SUGCT: variants seen among roughly 807,000 people sequenced by gnomAD.
SUGCT encodes succinyl-CoA:glutarate CoA-transferase.
A neutral mutation model predicts 55.0 loss-of-function variants in SUGCT; 41 were observed. That is an observed-to-expected ratio of 0.74 (90% confidence interval 0.58 to 0.97). The LOEUF (loss-of-function observed/expected upper bound fraction) is 0.97. Among genes scored for constraint, SUGCT ranks in the 50% least tolerant of loss-of-function variants. The pLI is 0.00. For synonymous variants in SUGCT, 187 were observed against 200.4 expected, an observed-to-expected ratio of 0.93 and a Z score of 0.56; for missense variants, 568 against 547.8, an observed-to-expected ratio of 1.04 and a Z score of -0.37.
intron 13 of SUGCT, among the ~76,000 whole-genome samples, chr7:40,852,314 A>G (rs1793890911): frequency 6.6e-6 from 1 of 152,118 alleles, no homozygotes; most frequent in African/African-American, 2.4e-5. Flanking sequence ...TCAAAAACAC[A>G]TCCACTTTTC....
chr7:40,729,346 T>A (rs1786775035), intron 12 of SUGCT, among the ~76,000 whole-genome samples: 1 of 152,216 alleles, frequency 6.6e-6, no homozygotes, highest in South Asian at 2.1e-4. Context: ...GTCCACAGAT[T>A]ATTGGAAACC....
the SUGCT span, among the ~76,000 whole-genome samples, chr7:40,901,676 G>A: frequency 1.3e-5 from 2 of 152,172 alleles, no homozygotes; most frequent in Non-Finnish European, 2.9e-5. Context: ...AGCAAAGGAT[G>A]CCAGGCAACA....
At chr7:40,363,332 A>G (rs1583513094) in intron 9 of SUGCT, among the ~76,000 whole-genome samples, 1 of 151,934 alleles carries the variant, frequency 6.6e-6, no homozygotes, top group Admixed American at 6.6e-5. Context: ...CTCTGATTTT[A>G]GTTATTTCTT....
chr7:40,903,204 T>C, the SUGCT span, among the ~76,000 whole-genome samples: 2 of 152,122 alleles, frequency 1.3e-5, no homozygotes, highest in African/African-American at 4.8e-5. Context: ...GGTAATCAAG[T>C]TACTATCTAG....
intron 9 of SUGCT, among the ~76,000 whole-genome samples, chr7:40,355,276 A>G (rs1797835051): frequency 1.3e-5 from 2 of 152,210 alleles, no homozygotes; most frequent in Non-Finnish European, 2.9e-5. Context: ...ATCATTCCTA[A>G]TGTCATAAAC....
At chr7:40,741,187 A>G (rs186874001) in intron 12 of SUGCT, among the ~76,000 whole-genome samples, 27 of 152,062 alleles carry the variant, frequency 1.8e-4, no homozygotes, top group Middle Eastern at 6.8e-3. Flanking sequence ...CTGAGGCACG[A>G]GAATTGCCTG....
the SUGCT span, among the ~76,000 whole-genome samples, chr7:40,937,907 A>T: frequency 6.6e-6 from 1 of 152,008 alleles, no homozygotes; most frequent in Non-Finnish European, 1.5e-5. Context: ...TTTGGGATGA[A>T]ACTATTCCAC....
intron 12 of SUGCT, among the ~76,000 whole-genome samples, chr7:40,718,801 T>C (rs976459781): frequency 3.3e-5 from 5 of 152,230 alleles, no homozygotes; most frequent in Non-Finnish European, 5.9e-5. Flanking sequence ...TGAGCCAGTG[T>C]CCACACTATT....
intron 12 of SUGCT, among the ~76,000 whole-genome samples, chr7:40,584,575 C>T (rs1483820060): frequency 6.6e-6 from 1 of 152,066 alleles, no homozygotes; most frequent in African/African-American, 2.4e-5. Context: ...GTTTTCCCAG[C>T]CATTATCTCA....
chr7:40,388,474 G>A (rs183561944), intron 9 of SUGCT, among the ~76,000 whole-genome samples: 4 of 152,120 alleles, frequency 2.6e-5, no homozygotes, highest in East Asian at 3.9e-4. Flanking sequence ...GGAGTGCAGC[G>A]GCGCGATCTT....
At chr7:40,208,065 A>G (rs777734572) in intron 6 of SUGCT, among the ~76,000 whole-genome samples, 2 of 152,234 alleles carry the variant, frequency 1.3e-5, no homozygotes, top group African/African-American at 2.4e-5. Context: ...CATTTTGTTA[A>G]GTGAAATAAG....
chr7:40,201,643 A>G (rs1341043673), intron 6 of SUGCT, among the ~76,000 whole-genome samples: 2 of 152,226 alleles, frequency 1.3e-5, no homozygotes, highest in Non-Finnish European at 2.9e-5. Context: ...CTGCAGGGGA[A>G]GAGAAACTTA....
intron 9 of SUGCT, among the ~76,000 whole-genome samples, chr7:40,362,447 G>C (rs1355050053): frequency 6.6e-6 from 1 of 151,934 alleles, no homozygotes. Context: ...AAAAAAGGTA[G>C]TTCAGCCAAC....
At chr7:41,038,328 C>T in the SUGCT span, among the ~76,000 whole-genome samples, 5 of 152,220 alleles carry the variant, frequency 3.3e-5, no homozygotes, top group Non-Finnish European at 7.3e-5. Flanking sequence ...CTGATTCTTC[C>T]TTCTGCTATT....
At chr7:40,995,524 T>C in the SUGCT span, among the ~76,000 whole-genome samples, 1 of 152,054 alleles carries the variant, frequency 6.6e-6, no homozygotes, top group African/African-American at 2.4e-5. Context: ...CAAGAAATAT[T>C]TCAGAATGAA....
intron 12 of SUGCT, among the ~76,000 whole-genome samples, chr7:40,660,385 A>C (rs1379836415): frequency 6.6e-6 from 1 of 152,054 alleles, no homozygotes; most frequent in Non-Finnish European, 1.5e-5. Context: ...CAGCCTCCCA[A>C]GTAGCTGGAA....
intron 12 of SUGCT, among the ~76,000 whole-genome samples, chr7:40,596,245 C>T (rs1398757926): frequency 2.0e-5 from 3 of 152,022 alleles, no homozygotes; most frequent in Non-Finnish European, 4.4e-5. Flanking sequence ...TAAAAGGATT[C>T]TTTGTATTTT....
At chr7:40,516,458 T>G (rs1793236878) in intron 12 of SUGCT, among the ~76,000 whole-genome samples, 1 of 152,202 alleles carries the variant, frequency 6.6e-6, no homozygotes, top group South Asian at 2.1e-4. Flanking sequence ...TTTATTCTAA[T>G]AATTTAATGG....
chr7:40,730,426 C>T (rs1005932474), intron 12 of SUGCT, among the ~76,000 whole-genome samples: 1 of 152,038 alleles, frequency 6.6e-6, no homozygotes, highest in Non-Finnish European at 1.5e-5. Flanking sequence ...TTTTTAATGA[C>T]AAATAATAAT....
Sources: gnomAD v4.1 joint callset for allele counts (sites outside exome capture counted in the v4.1 genomes callset) on GRCh38, gnomAD v4.1.1 for gene constraint, MANE v1.5 for transcripts, NCBI Gene and HGNC (gene_info 2026-07-23, HGNC 2026-07-21) for gene names.